Variants in MAP4K3 observed in about 807,000 individuals in gnomAD.
The protein encoded by MAP4K3 is MAPK/ERK kinase kinase kinase 3.
In MAP4K3, 94 loss-of-function variants were observed where a neutral mutation model predicts 143.5. The ratio of observed to expected loss-of-function variants is 0.65; its 90% CI spans 0.55 to 0.78. The LOEUF is 0.78. Ranked by LOEUF, MAP4K3 falls within the 30% of genes least tolerant of loss-of-function variation. The pLI is 0.00. For synonymous variants in MAP4K3, 416 were observed against 347.2 expected (o/e 1.20, Z -2.20); for missense variants, 1,077 against 1,068.1 (o/e 1.01, Z -0.12).
chr2:39,276,269 A>G (rs556378280), intron 24 of MAP4K3, among the ~76,000 whole-genome samples: 23 of 152,232 alleles, frequency 1.5e-4, no homozygotes, highest in African/African-American at 4.8e-4. Context: ...TTCTCTTCAA[A>G]TCAACACATC....
chr2:39,384,074 A>G (rs1666423661), intron 1 of MAP4K3, among the ~76,000 whole-genome samples: 1 of 151,482 alleles, frequency 6.6e-6, no homozygotes, highest in South Asian at 2.1e-4. Context: ...TGATCACACC[A>G]TTGTCCTCAA....
At chr2:39,314,057 A>G (rs964087381) in intron 13 of MAP4K3, among the ~76,000 whole-genome samples, 4 of 152,002 alleles carry the variant, frequency 2.6e-5, no homozygotes, top group Non-Finnish European at 5.9e-5. Context: ...TCCAAACAGA[A>G]TCTTGTTCTT....
chr2:39,278,518 G>C, intron 23 of MAP4K3, 32 bp from the exon 24 acceptor site: 1 of 1,221,050 alleles, frequency 8.2e-7, no homozygotes, highest in Non-Finnish European at 1.2e-6. Context: ...GACTGATTTT[G>C]GTAAATAAAA....
intron 15 of MAP4K3, among the ~76,000 whole-genome samples, chr2:39,305,001 G>A (rs536504613): frequency 6.6e-6 from 1 of 152,272 alleles, no homozygotes; most frequent in African/African-American, 2.4e-5. Flanking sequence ...AAGATAACTA[G>A]AGAAGTCAAA....
intron 2 of MAP4K3, among the ~76,000 whole-genome samples, chr2:39,367,277 C>T (rs948782230): frequency 6.6e-6 from 1 of 152,224 alleles, no homozygotes; most frequent in Non-Finnish European, 1.5e-5. Context: ...CACAGTGGCT[C>T]ACACCTGTAG....
At chr2:39,298,646 ACT>A (rs1682382122) in intron 16 of MAP4K3, among the ~76,000 whole-genome samples, 1 of 152,086 alleles carries the variant, frequency 6.6e-6, no homozygotes. Context: ...ATATGTCTCA[ACT>A]CTCTAATGCA....
chr2:39,324,904 A>G (rs1683435572), intron 12 of MAP4K3, among the ~76,000 whole-genome samples: 1 of 152,236 alleles, frequency 6.6e-6, no homozygotes, highest in Admixed American at 6.5e-5. Context: ...TCCATAGTGA[A>G]TAGCTGAGTT....
chr2:39,255,785 T>C (rs1006298476), intron 31 of MAP4K3, among the ~76,000 whole-genome samples: 6 of 152,290 alleles, frequency 3.9e-5, no homozygotes, highest in Admixed American at 3.3e-4. Context: ...CTCAGCCTCC[T>C]ACAGTGTTGG....
chr2:39,391,948 C>T (rs1428158141), intron 1 of MAP4K3, among the ~76,000 whole-genome samples: 5 of 151,782 alleles, frequency 3.3e-5, no homozygotes, highest in East Asian at 1.9e-4. Context: ...TTTGGGAGGC[C>T]GAGGCAGGCA....
chr2:39,406,877 AAAAG>A (rs1224168498), intron 1 of MAP4K3, among the ~76,000 whole-genome samples: 21 of 152,230 alleles, frequency 1.4e-4, no homozygotes, highest in African/African-American at 5.1e-4. Flanking sequence ...TAGAAAAACT[AAAAG>A]AAAAGAATAC....
At chr2:39,425,844 T>C (rs1665055448) in intron 1 of MAP4K3, among the ~76,000 whole-genome samples, 1 of 152,122 alleles carries the variant, frequency 6.6e-6, no homozygotes, top group Admixed American at 6.5e-5. Context: ...ACAAAAATAG[T>C]TCTTCACAGT....
intron 16 of MAP4K3, among the ~76,000 whole-genome samples, chr2:39,298,839 C>G (rs2148487376): frequency 6.6e-6 from 1 of 151,704 alleles, no homozygotes; most frequent in South Asian, 2.1e-4. Flanking sequence ...GGTGGCAGGC[C>G]CTTGTAGTCC....
At chr2:39,267,500 G>A (rs564137493) in intron 26 of MAP4K3, 45 of 347,152 alleles carry the variant, frequency 1.3e-4, no homozygotes, top group African/African-American at 8.5e-4. Flanking sequence ...ATAAAACCCC[G>A]TCTCTACTAA....
intron 16 of MAP4K3, among the ~76,000 whole-genome samples, chr2:39,295,144 A>T (rs1682218773): frequency 2.0e-5 from 3 of 152,030 alleles, no homozygotes; most frequent in Admixed American, 1.3e-4. Flanking sequence ...GACCTCAACA[A>T]AAAGTGTTCT....
intron 26 of MAP4K3, among the ~76,000 whole-genome samples, chr2:39,267,807 A>G (rs1680829065): frequency 6.6e-6 from 1 of 152,146 alleles, no homozygotes; most frequent in Non-Finnish European, 1.5e-5. Flanking sequence ...TGACCTTGGG[A>G]TTTAAGAAAT....
intron 1 of MAP4K3, among the ~76,000 whole-genome samples, chr2:39,386,009 T>G (rs7603337): frequency 0.83 from 125,555 of 152,064 alleles, 52,137 homozygotes; most frequent in Non-Finnish European, 0.88. Flanking sequence ...AATTGAATTG[T>G]GCTCCCTACC....
chr2:39,401,780 G>A lies in MAP4K3; in HGVS notation c.97-23657C>T, dbSNP rs186864223. Among the ~76,000 whole-genome samples, 12 of 152,214 alleles carry A rather than the reference G, an allele frequency of 7.9e-5. No individual in the cohort carries two copies. In the East Asian group the frequency reaches 1.9e-3, roughly 25 times the overall value. ...GGCAATACTGCACTCCGGCCTGGAT[G>A]ACAGGAGTGTGACCCTGTCTCAGAA... On this transcript the variant is annotated intron_variant, in intron 1 of 33. Transcript: ENST00000263881.
chr2:39,301,319 A>C (rs1682501798), intron 15 of MAP4K3, among the ~76,000 whole-genome samples: 1 of 152,252 alleles, frequency 6.6e-6, no homozygotes, highest in Admixed American at 6.5e-5. Flanking sequence ...ATGAAAAAGG[A>C]CATCTGTACT....
chr2:39,266,181 G>A (rs1049954504), intron 27 of MAP4K3, among the ~76,000 whole-genome samples: 2 of 152,148 alleles, frequency 1.3e-5, no homozygotes, highest in Admixed American at 1.3e-4. Context: ...CAACCACCAT[G>A]TCTAAACCCA....
Sources: allele counts gnomAD v4.1 joint callset (sites outside exome capture counted in the v4.1 genomes callset), GRCh38; gene constraint gnomAD v4.1.1; transcripts MANE v1.5; gene names NCBI Gene and HGNC (gene_info 2026-07-23, HGNC 2026-07-21).